The following AKAP11 variants were observed in gnomAD, a reference collection of about 807,000 sequenced individuals.
The protein encoded by AKAP11 is A-kinase anchoring protein 11.
A neutral mutation model predicts 146.1 loss-of-function variants in AKAP11; 36 were observed. That is an observed-to-expected ratio of 0.25 (90% CI 0.19 to 0.33). The LOEUF (loss-of-function observed/expected upper bound fraction) is 0.33. Among genes scored for constraint, AKAP11 ranks in the 10% least tolerant of loss-of-function variants. The pLI is 1.00. For synonymous variants in AKAP11, 780 were observed against 786.5 expected (o/e 0.99, Z 0.14); for missense variants, 2,201 against 2,197.0 (o/e 1.00, Z -0.04).
rs1961020673 is a variant in AKAP11 at position 42,320,093 on chromosome 13, A to G, written c.*865A>G. 6.5e-6 allele frequency: 1 copy of G among 152,738 alleles called. No individual in the cohort carries two copies. The highest frequency in any genetic ancestry group is 1.5e-5 in the Non-Finnish European group (1 of 68,052). 9.5% of individuals were successfully genotyped at this position (152,738 alleles called of 1,614,324 possible). A position where few individuals can be genotyped will look rare whatever the true frequency, so the allele number is the denominator to read the frequency against. On this transcript the variant is annotated 3_prime_UTR_variant, in exon 13 of 13. Coordinates refer to ENST00000025301, the MANE Select transcript of AKAP11 (RefSeq NM_016248.4). Reference sequence around the variant, plus strand: ...GCAGTAAGAATTTTTATTGACAATAATTAAAATTTTTTTTGACAATTTTGG... The same window carrying G: ...GCAGTAAGAATTTTTATTGACAATAGTTAAAATTTTTTTTGACAATTTTGG...
At chr13:42,272,613 T>G (rs1259609167) in intron 1 of AKAP11, among the ~76,000 whole-genome samples, 1 of 149,694 alleles carries the variant, frequency 6.7e-6, no homozygotes, top group Non-Finnish European at 1.5e-5. Context: ...TAGTGTGTGT[T>G]CGTGGTGTGC....
chr13:42,291,805 T>G (rs1959222515), intron 3 of AKAP11, among the ~76,000 whole-genome samples: 1 of 152,244 alleles, frequency 6.6e-6, no homozygotes, highest in African/African-American at 2.4e-5. Context: ...CATTATTTTC[T>G]TTATGTAACT....
chr13:42,299,894 C>A lies in AKAP11; in HGVS notation c.1148C>A (p.Ser383Ter). 1.9e-6 allele frequency: 3 copies of A among 1,613,918 alleles called. No individual in the cohort carries two copies. The highest frequency in any genetic ancestry group is 2.5e-6 in the Non-Finnish European group (3 of 1,179,874). Residue 383 changes from serine (S) to a stop codon, truncating the protein, a stop_gained, in exon 8 of 13, where the codon TCA becomes TAA. Coordinates refer to ENST00000025301, the MANE Select transcript of AKAP11 (RefSeq NM_016248.4). LOFTEE classifies it high-confidence loss of function. ...AACAAAGATCCCGTCATAGGGAAGT[C>A]ATCGCAGAGGAAAGGGCACAAACAT... Reference protein sequence around the residue: ...LFNKDPVIGKSSQRKGHKHGK... With the variant: ...LFNKDPVIGK
chr13:42,311,149 A>G (rs1379294985), intron 9 of AKAP11, among the ~76,000 whole-genome samples: 1 of 152,216 alleles, frequency 6.6e-6, no homozygotes, highest in Admixed American at 6.5e-5. Context: ...ATCACAATCA[A>G]GACCAGTCTT....
In AKAP11 at chr13:42,299,778, T is replaced by C; in HGVS notation, c.1032T>C (p.Asp344=). The C allele has an allele frequency of 6.2e-7, 1 of 1,613,940 alleles. No homozygotes were observed. The highest frequency in any genetic ancestry group is 1.3e-5 in the African/African-American group (1 of 75,044). ...ELPKIPVMKD[D]IEDSDSEVSE... ...CTAAAATTCCTGTGATGAAAGATGA[T>C]ATAGAGGATTCAGACTCAGAAGTAA... Residue 344 remains aspartate (D), a synonymous_variant, in exon 8 of 13, where the codon GAT becomes GAC. Transcript: ENST00000025301.
At chr13:42,306,280 A>G (rs945116006) in intron 8 of AKAP11, among the ~76,000 whole-genome samples, 6 of 152,100 alleles carry the variant, frequency 3.9e-5, no homozygotes, top group Admixed American at 1.3e-4. Context: ...GCTTCAGGCT[A>G]TTTTACTTTT....
chr13:42,312,609 A>G (rs1207808048), intron 9 of AKAP11, among the ~76,000 whole-genome samples: 1 of 152,112 alleles, frequency 6.6e-6, no homozygotes, highest in Non-Finnish European at 1.5e-5. Flanking sequence ...CCCCTCACCC[A>G]TACCTGTCAC....
chr13:42,302,652 G>T lies in AKAP11; in HGVS notation c.3906G>T (p.Glu1302Asp). 1 of 1,614,152 alleles carries T rather than the reference G, an allele frequency of 6.2e-7. No individual in the cohort carries two copies. Among genetic ancestry groups the T allele is most frequent in the Non-Finnish European group, 8.5e-7 (1 of 1,180,016 alleles). Residue 1302 changes from glutamate (E) to aspartate (D), a missense_variant, in exon 8 of 13, where the codon GAG becomes GAT. By Grantham distance (45) the Glu-to-Asp change is conservative. Transcript: ENST00000025301. Reference protein sequence around the residue: ...ADGDEDYKVEEKLDIEAVVHP... With the variant: ...ADGDEDYKVEDKLDIEAVVHP... ...GTGACGAAGATTATAAAGTAGAAGA[G>T]AAGTTGGATATAGAGGCTGTAGTGC...
At chr13:42,278,479 A>G (rs1958980757) in intron 1 of AKAP11, among the ~76,000 whole-genome samples, 1 of 152,146 alleles carries the variant, frequency 6.6e-6, no homozygotes, top group South Asian at 2.1e-4. Context: ...TGTTTGTGTT[A>G]GGGTTTACAA....
chr13:42,299,852 T>C lies in AKAP11; in HGVS notation c.1106T>C (p.Leu369Ser), dbSNP rs775192601. 9 of 1,613,874 alleles carry C rather than the reference T, an allele frequency of 5.6e-6. No homozygotes were observed. Among genetic ancestry groups the C allele is most frequent in the Non-Finnish European group, 7.6e-6 (9 of 1,179,882 alleles). The change falls in exon 8 of 13, where the codon TTA (leucine) becomes TCA (serine). Residue 369 changes from leucine to serine, a missense_variant. Around this residue, in one of 3 missense-constraint regions of AKAP11, gnomAD observed 1,867 missense variants for 1,833.5 expected, o/e 1.02. Coordinates refer to ENST00000025301, the MANE Select transcript of AKAP11 (RefSeq NM_016248.4). The stretch of plus-strand genomic sequence containing the variant: ...CAGTTTGATGAACTAGAACAAACTT[T>C]AGAGACTTGCCTGTTTAACAAAGAT... ...FDQFDELEQT[L>S]ETCLFNKDPV...
At chr13:42,310,748 A>G (rs895584575) in intron 9 of AKAP11, among the ~76,000 whole-genome samples, 4 of 151,824 alleles carry the variant, frequency 2.6e-5, no homozygotes, top group Admixed American at 2.0e-4. Flanking sequence ...AATCCCAGCT[A>G]CTTGGGAGGC....
In AKAP11 at chr13:42,300,918, T is replaced by C. The variant is rs1475843106; in HGVS notation, c.2172T>C (p.Asn724=). The C allele has an allele frequency of 1.9e-6, 3 of 1,614,160 alleles. No individual in the cohort carries two copies. Among genetic ancestry groups the C allele is most frequent in the East Asian group, 2.2e-5 (1 of 44,888 alleles). ...CAGCAGTTAGTGTCTCTACGGATAA[T>C]ATCAAGTATGTGAGTGCAGAAAGTG... ...TKAAVSVSTD[N]IKYVSAESVV... Residue 724 remains asparagine (N), a synonymous_variant, in exon 8 of 13, where the codon AAT becomes AAC. Coordinates refer to ENST00000025301, the MANE Select transcript of AKAP11 (RefSeq NM_016248.4).
intron 3 of AKAP11, among the ~76,000 whole-genome samples, chr13:42,288,143 A>G (rs1453918450): frequency 6.6e-6 from 1 of 152,222 alleles, no homozygotes; most frequent in Non-Finnish European, 1.5e-5. Context: ...CCTATTGGCT[A>G]CTGTGGAAAT....
intron 3 of AKAP11, among the ~76,000 whole-genome samples, chr13:42,291,066 A>G (rs1477250528): frequency 1.3e-5 from 2 of 152,156 alleles, no homozygotes; most frequent in Admixed American, 1.3e-4. Flanking sequence ...TTTATCATAA[A>G]TTCTTTGAGT....
Position 42,313,945 on chromosome 13 carries a change from T to C in AKAP11, c.5404+5T>C. The C allele has an allele frequency of 6.2e-7, 1 of 1,613,270 alleles. No individual in the cohort carries two copies. The highest frequency in any genetic ancestry group is 8.5e-7 in the Non-Finnish European group (1 of 1,179,426). On this transcript the variant is annotated splice_donor_5th_base_variant and intron_variant, in intron 11 of 12. Coordinates refer to ENST00000025301, the MANE Select transcript of AKAP11 (RefSeq NM_016248.4). ...AGCATGAGGACGAAGTAGAAGGTAA[T>C]TTGATTTGTTTTTCAAAGTGTTGGC...
rs758470442 is a variant in AKAP11 at position 42,299,664 on chromosome 13, A to G, written c.918A>G (p.Ser306=). ...TTTTTTCGTCTTCTCCTGCCTACTC[A>G]TCTGAATCAGAATGTTCAAGTCCAA... is the stretch of plus-strand genomic sequence containing the variant. ...KTFFSSSPAY[S]SESECSSPSP... Residue 306 remains serine (S), a synonymous_variant, in exon 8 of 13, where the codon TCA becomes TCG. Coordinates refer to ENST00000025301, the MANE Select transcript of AKAP11 (RefSeq NM_016248.4). 3.1e-6 allele frequency: 5 copies of G among 1,613,824 alleles called. No individual in the cohort carries two copies. In the Admixed American group the frequency reaches 5.0e-5, roughly 16 times the overall value.
chr13:42,288,563 C>T (rs981312391), intron 3 of AKAP11, among the ~76,000 whole-genome samples: 1 of 152,154 alleles, frequency 6.6e-6, no homozygotes, highest in Non-Finnish European at 1.5e-5. Flanking sequence ...AATAAATTCC[C>T]ATATATCTAA....
At chr13:42,278,559 T>A (rs1311648849) in intron 1 of AKAP11, among the ~76,000 whole-genome samples, 2 of 152,204 alleles carry the variant, frequency 1.3e-5, no homozygotes, top group East Asian at 3.8e-4. Flanking sequence ...TGACAGTCTT[T>A]TTTTGTCTCC....
At chr13:42,292,122 G>T (rs939707708) in intron 3 of AKAP11, among the ~76,000 whole-genome samples, 1 of 152,152 alleles carries the variant, frequency 6.6e-6, no homozygotes, top group Non-Finnish European at 1.5e-5. Flanking sequence ...AGTGAACCTG[G>T]TATGAGATCT....
Sources: gnomAD v4.1 joint callset for allele counts (sites outside exome capture counted in the v4.1 genomes callset) on GRCh38, gnomAD v4.1.1 for gene constraint, gnomAD v4.1.1 regional missense constraint, MANE v1.5 for transcripts, NCBI Gene and HGNC (gene_info 2026-07-23, HGNC 2026-07-21) for gene names.